DMC1: variants seen among roughly 807,000 people sequenced by gnomAD.
DMC1 encodes the protein meiotic recombination protein DMC1 homolog.
Under a neutral mutation model 50.1 loss-of-function variants are expected in DMC1, and 27 were observed. That is an observed-to-expected ratio of 0.54 (90% CI 0.40 to 0.74). The LOEUF is 0.74. Ranked by LOEUF, DMC1 falls within the 30% of genes least tolerant of loss-of-function variation. The pLI, the probability that DMC1 is intolerant of heterozygous loss-of-function variation, is 0.00. For synonymous variants in DMC1, 148 were observed against 136.1 expected, an observed-to-expected ratio of 1.09 and a Z score of -0.61; for missense variants, 295 against 420.2, an observed-to-expected ratio of 0.70 and a Z score of 2.60.
rs1467213506 is a variant in DMC1 at position 38,520,085 on chromosome 22, C to T, written c.958G>A (p.Glu320Lys). 3 of 1,612,556 alleles carry T rather than the reference C, an allele frequency of 1.9e-6. No individual in the cohort carries two copies. The highest frequency in any genetic ancestry group is 4.5e-5 in the East Asian group (2 of 44,830). Residue 320 changes from glutamate to lysine, a missense_variant, in exon 14 of 14, where the codon GAG becomes AAG. Coordinates refer to ENST00000216024, the MANE Select transcript of DMC1 (RefSeq NM_007068.4). Reference protein sequence around the residue: ...LRIAKIYDSPEMPENEATFAI... With the variant: ...LRIAKIYDSPKMPENEATFAI... Reference sequence around the variant, plus strand: ...AAGGTGGCTTCATTTTCAGGCATCTCAGGACTAACAGAATACAAGGGAACA... The same window carrying T: ...AAGGTGGCTTCATTTTCAGGCATCTTAGGACTAACAGAATACAAGGGAACA...
chr22:38,512,219 C>T, the DMC1 span, among the ~76,000 whole-genome samples: 8 of 152,172 alleles, frequency 5.3e-5, no homozygotes, highest in South Asian at 4.1e-4. Flanking sequence ...AAGTGATCCA[C>T]CTGCCTCAAC....
intron 8 of DMC1, among the ~76,000 whole-genome samples, chr22:38,542,813 G>A (rs1379053374): frequency 6.6e-6 from 1 of 152,104 alleles, no homozygotes; most frequent in Non-Finnish European, 1.5e-5. Context: ...ATACTATAGA[G>A]CTATAGTATC....
intron 12 of DMC1, among the ~76,000 whole-genome samples, chr22:38,532,592 T>TA (rs2090165149): frequency 6.6e-6 from 1 of 151,850 alleles, no homozygotes; most frequent in South Asian, 2.1e-4. Flanking sequence ...AGTGCTGGAT[T>TA]ACAGGAGTGA....
downstream of DMC1, among the ~76,000 whole-genome samples, chr22:38,517,307 G>A (rs889653943): frequency 6.6e-6 from 1 of 152,154 alleles, no homozygotes; most frequent in African/African-American, 2.4e-5. Context: ...GGTGGCTCAC[G>A]CCTGTAATCC....
intron 12 of DMC1, among the ~76,000 whole-genome samples, chr22:38,523,903 A>G (rs1288620554): frequency 3.9e-5 from 6 of 152,224 alleles, no homozygotes; most frequent in Admixed American, 1.3e-4. Flanking sequence ...GGAAATTTCT[A>G]TCAAAAGGAG....
intron 12 of DMC1, among the ~76,000 whole-genome samples, chr22:38,535,080 G>A (rs1381015465): frequency 2.6e-5 from 4 of 151,768 alleles, no homozygotes; most frequent in South Asian, 4.2e-4. Flanking sequence ...CAGGTGGATC[G>A]TGAGGTCAAG....
At position 38,521,748 on chromosome 22, in the gene DMC1, A is replaced by G. The variant is rs1049690888; in HGVS notation, c.837-24T>C. On this transcript the variant is annotated intron_variant, in intron 12 of 13. Transcript: ENST00000216024. ...AGCTGAATTAATAAAATACTCTTTCAGGTTTCATCATATGGACTATATATG... is the reference window on the plus strand; with the variant it reads ...AGCTGAATTAATAAAATACTCTTTCGGGTTTCATCATATGGACTATATATG... The G allele has an allele frequency of 2.0e-6, 3 of 1,514,806 alleles. No individual in the cohort carries two copies. The African/African-American group carries it at 4.1e-5, about 21-fold the overall frequency. The allele number at this position is 1,514,806 out of a possible 1,614,324, so 93.8% of individuals were successfully genotyped here. A position where few individuals can be genotyped will look rare whatever the true frequency, so the allele number is the denominator to read the frequency against.
At chr22:38,517,864 G>A (rs1216081759), downstream of DMC1, among the ~76,000 whole-genome samples, 5 of 152,076 alleles carry the variant, frequency 3.3e-5, no homozygotes, top group Non-Finnish European at 1.5e-5. Flanking sequence ...ATCCTGCATT[G>A]TGAACAATTT....
intron 1 of DMC1, 191 bp from the exon 2 acceptor site, chr22:38,568,480 T>C: frequency 1.7e-6 from 1 of 578,556 alleles, no homozygotes; most frequent in Non-Finnish European, 3.1e-6. Flanking sequence ...TGTGCATGTG[T>C]GTGTGTGTCC....
Position 38,562,144 on chromosome 22 carries a change from A to G in DMC1, c.326+143T>C, listed in dbSNP as rs1332765892. The stretch of plus-strand genomic sequence containing the variant: ...CAGTCTAGAATTTGTTTCAGTTATC[A>G]TTTAGAAAAAAAAACAAACAAACCC... On this transcript the variant is annotated intron_variant, in intron 5 of 13. Coordinates refer to ENST00000216024, the MANE Select transcript of DMC1 (RefSeq NM_007068.4). 2 of 622,774 alleles carry G rather than the reference A, an allele frequency of 3.2e-6. 1 individual carries two copies. Among genetic ancestry groups the G allele is most frequent in the East Asian group, 5.5e-5 (2 of 36,478 alleles). The allele number at this position is 622,774 out of a possible 1,614,324, so 38.6% of individuals were successfully genotyped here.
At chr22:38,552,872 CAG>C (rs948627997) in intron 6 of DMC1, among the ~76,000 whole-genome samples, 165 bp from the exon 7 acceptor site, 4 of 150,742 alleles carry the variant, frequency 2.7e-5, no homozygotes, top group African/African-American at 4.9e-5. Flanking sequence ...TTTTTTGAGA[CAG>C]AGTCTTGCTC....
chr22:38,552,055 G>T (rs1412562497), intron 7 of DMC1, among the ~76,000 whole-genome samples: 6 of 151,532 alleles, frequency 4.0e-5, no homozygotes, highest in African/African-American at 1.2e-4. Flanking sequence ...TAGAGACCGG[G>T]TTTCACCGTG....
At chr22:38,510,070 C>T in the DMC1 span, among the ~76,000 whole-genome samples, 1 of 152,072 alleles carries the variant, frequency 6.6e-6, no homozygotes, top group South Asian at 2.1e-4. Flanking sequence ...AAAAAATTAG[C>T]TGGGCGTGAT....
chr22:38,531,484 CA>C (rs2090151073), intron 12 of DMC1, among the ~76,000 whole-genome samples: 1 of 152,124 alleles, frequency 6.6e-6, no homozygotes, highest in Admixed American at 6.6e-5. Context: ...TGACAGGCCC[CA>C]GGGGAACTGC....
chr22:38,553,572 C>G (rs995886377), intron 6 of DMC1, among the ~76,000 whole-genome samples: 2 of 151,666 alleles, frequency 1.3e-5, no homozygotes, highest in African/African-American at 4.8e-5. Flanking sequence ...ACCTGTAATC[C>G]CAGCACTTTG....
intron 12 of DMC1, among the ~76,000 whole-genome samples, chr22:38,533,645 A>G (rs922192969): frequency 6.6e-6 from 1 of 152,192 alleles, no homozygotes; most frequent in Non-Finnish European, 1.5e-5. Flanking sequence ...TATTGCAACC[A>G]TCAGAGTAAT....
chr22:38,547,790 C>T lies in DMC1; in HGVS notation c.494+2135G>A, dbSNP rs11570421. On this transcript the variant is annotated intron_variant, in intron 8 of 13. Coordinates refer to ENST00000216024, the MANE Select transcript of DMC1 (RefSeq NM_007068.4). The stretch of plus-strand genomic sequence containing the variant: ...CTGACCTCAGGTAATCCACCCGCCT[C>T]AGCCTCCCAAAGTGCTGGGATTACA... Among the ~76,000 whole-genome samples, 32 of 152,206 alleles carry T rather than the reference C, an allele frequency of 2.1e-4. No homozygotes were observed. The East Asian group carries it at 5.8e-3, about 28-fold the overall frequency.
chr22:38,557,755 C>A (rs1176287384), intron 5 of DMC1, among the ~76,000 whole-genome samples: 1 of 152,010 alleles, frequency 6.6e-6, no homozygotes, highest in Non-Finnish European at 1.5e-5. Context: ...GATAATTTGA[C>A]CTTTTTGTAA....
the DMC1 span, among the ~76,000 whole-genome samples, chr22:38,510,258 A>G: frequency 2.6e-5 from 4 of 152,116 alleles, no homozygotes; most frequent in African/African-American, 7.2e-5. Flanking sequence ...ACTCGAGATC[A>G]GCCTGGCCAA....
Sources: gnomAD v4.1 joint callset for allele counts (sites outside exome capture counted in the v4.1 genomes callset) on GRCh38, gnomAD v4.1.1 for gene constraint, MANE v1.5 for transcripts, NCBI Gene and HGNC (gene_info 2026-07-23, HGNC 2026-07-21) for gene names.